The following TEKT5 variants were observed in gnomAD, a reference collection of about 807,000 sequenced individuals.
TEKT5 encodes the protein tektin-5.
A neutral mutation model predicts 48.7 loss-of-function variants in TEKT5; 52 were observed. The observed-to-expected ratio is 1.07, with a 90% confidence interval of 0.86 to 1.35. The LOEUF (loss-of-function observed/expected upper bound fraction) is 1.35. Among genes scored for constraint, TEKT5 ranks in the 40% most tolerant of loss-of-function variants. The probability of loss-of-function intolerance (pLI) is 0.00; values close to 1 mark genes in which losing one functional copy is unlikely to be tolerated. For synonymous variants in TEKT5, 318 were observed against 267.6 expected, an observed-to-expected ratio of 1.19 and a Z score of -1.84; for missense variants, 831 against 641.6, an observed-to-expected ratio of 1.30 and a Z score of -3.19.
chr16:10,663,045 A>T lies in TEKT5; in HGVS notation c.1086+12914T>A, dbSNP rs535746795. On this transcript the variant is annotated intron_variant, in intron 5 of 6. Coordinates refer to ENST00000283025, the MANE Select transcript of TEKT5 (RefSeq NM_144674.2). Reference sequence around the variant, plus strand: ...AAGCAAATCTCCACTCCATCCACCCACTCACCCTCAACCCTGCACCCAGAA... The same window carrying T: ...AAGCAAATCTCCACTCCATCCACCCTCTCACCCTCAACCCTGCACCCAGAA... Among the ~76,000 whole-genome samples, 6 of 151,954 alleles carry T rather than the reference A, an allele frequency of 3.9e-5. No homozygotes were observed. The East Asian group carries it at 1.2e-3, about 29-fold the overall frequency.
chr16:10,678,270 T>C (rs920533237), intron 4 of TEKT5, among the ~76,000 whole-genome samples: 2 of 152,106 alleles, frequency 1.3e-5, no homozygotes, highest in Non-Finnish European at 2.9e-5. Flanking sequence ...GGCTAATTTT[T>C]GCATTTTTTG....
intron 5 of TEKT5, among the ~76,000 whole-genome samples, chr16:10,657,756 A>ATTT (rs59166602): frequency 5.9e-5 from 8 of 134,956 alleles, no homozygotes; most frequent in African/African-American, 2.2e-4. Context: ...CGCCAAGCTA[A>ATTT]TTTTTTTTTT....
chr16:10,639,651 T>C (rs73507961), intron 5 of TEKT5, among the ~76,000 whole-genome samples: 23,109 of 152,258 alleles, frequency 0.15, 1,886 homozygotes, highest in South Asian at 0.18. Flanking sequence ...ATTTTTCAAA[T>C]AAGACACCAA....
intron 5 of TEKT5, among the ~76,000 whole-genome samples, chr16:10,666,979 T>C (rs922424493): frequency 7.7e-5 from 2 of 25,918 alleles, no homozygotes; most frequent in African/African-American, 8.7e-4. Context: ...GGCTCCTTAC[T>C]TTTTTTTTTT....
intron 3 of TEKT5, among the ~76,000 whole-genome samples, chr16:10,688,999 C>T (rs1898915365): frequency 6.6e-6 from 1 of 152,162 alleles, no homozygotes; most frequent in African/African-American, 2.4e-5. Context: ...CAGTTGTACA[C>T]ATCTCAGTAA....
intron 5 of TEKT5, among the ~76,000 whole-genome samples, chr16:10,665,700 C>A (rs1479856214): frequency 6.6e-6 from 1 of 152,314 alleles, no homozygotes; most frequent in Non-Finnish European, 1.5e-5. Context: ...CTCCCAGGGA[C>A]CCCTCATGCT....
intron 5 of TEKT5, among the ~76,000 whole-genome samples, chr16:10,640,003 TTCCTCC>T (rs75597810): frequency 6.6e-6 from 1 of 151,530 alleles, no homozygotes; most frequent in Middle Eastern, 3.2e-3. Flanking sequence ...CTTCCTCCTC[TTCCTCC>T]TCCTCAGTCT....
At chr16:10,643,246 G>A (rs1898021032) in intron 5 of TEKT5, among the ~76,000 whole-genome samples, 1 of 151,988 alleles carries the variant, frequency 6.6e-6, no homozygotes. Context: ...GGGCCTGGTA[G>A]CTGATGTCTA....
At chr16:10,633,062 G>A (rs1897862345) in intron 6 of TEKT5, among the ~76,000 whole-genome samples, 1 of 152,202 alleles carries the variant, frequency 6.6e-6, no homozygotes, top group Admixed American at 6.5e-5. Flanking sequence ...GCCCTGTTCT[G>A]TAGAAGTCCC....
chr16:10,670,714 C>T (rs1898535569), intron 5 of TEKT5, among the ~76,000 whole-genome samples: 1 of 152,120 alleles, frequency 6.6e-6, no homozygotes, highest in Non-Finnish European at 1.5e-5. Flanking sequence ...TGGTGCATTT[C>T]AGATGGGTGC....
intron 1 of TEKT5, among the ~76,000 whole-genome samples, chr16:10,690,970 G>A (rs896290265): frequency 1.3e-5 from 2 of 152,170 alleles, no homozygotes; most frequent in African/African-American, 4.8e-5. Context: ...AGGTGCTGGG[G>A]ATAGCACAAC....
At chr16:10,637,453 G>C (rs1244624143) in intron 5 of TEKT5, among the ~76,000 whole-genome samples, 1 of 151,564 alleles carries the variant, frequency 6.6e-6, no homozygotes, top group African/African-American at 2.4e-5. Context: ...GGAGGAAGGA[G>C]GAGGGGAGAG....
chr16:10,676,548 G>A (rs1489595962), intron 4 of TEKT5, among the ~76,000 whole-genome samples: 2 of 152,142 alleles, frequency 1.3e-5, no homozygotes, highest in Admixed American at 6.5e-5. Flanking sequence ...GTGGGTCAAA[G>A]AGAGGGGCTC....
intron 3 of TEKT5, among the ~76,000 whole-genome samples, chr16:10,686,225 C>G (rs1417072332): frequency 1.3e-5 from 2 of 152,112 alleles, no homozygotes; most frequent in Non-Finnish European, 2.9e-5. Flanking sequence ...GGTATTGATA[C>G]AAGTGGAAAG....
At chr16:10,656,996 C>T (rs543507116) in intron 5 of TEKT5, among the ~76,000 whole-genome samples, 66 of 152,284 alleles carry the variant, frequency 4.3e-4, no homozygotes, top group Non-Finnish European at 8.2e-4. Flanking sequence ...ACCACAGCCT[C>T]TCAAAGTGCT....
At chr16:10,688,342 C>T (rs1244865743) in intron 3 of TEKT5, among the ~76,000 whole-genome samples, 1 of 152,242 alleles carries the variant, frequency 6.6e-6, no homozygotes, top group Non-Finnish European at 1.5e-5. Context: ...GAACTAACCC[C>T]TTCGGGGGAT....
At chr16:10,659,890 A>G (rs1406629646) in intron 5 of TEKT5, among the ~76,000 whole-genome samples, 1 of 152,216 alleles carries the variant, frequency 6.6e-6, no homozygotes, top group Non-Finnish European at 1.5e-5. Context: ...GTGGTTGTAC[A>G]ATATTATCAA....
intron 6 of TEKT5, among the ~76,000 whole-genome samples, chr16:10,632,001 G>A (rs757379762): frequency 2.6e-5 from 4 of 151,560 alleles, no homozygotes; most frequent in Non-Finnish European, 5.9e-5. Context: ...ACTGTGCTGC[G>A]GGTCCCACCT....
intron 3 of TEKT5, 57 bp from the exon 4 acceptor site, chr16:10,682,193 G>A: frequency 6.3e-6 from 10 of 1,581,960 alleles, no homozygotes; most frequent in African/African-American, 1.3e-5. Flanking sequence ...TACCCAGCTT[G>A]GGCCACACAG....
Sources: gnomAD v4.1 joint callset for allele counts (sites outside exome capture counted in the v4.1 genomes callset) on GRCh38, gnomAD v4.1.1 for gene constraint, MANE v1.5 for transcripts, NCBI Gene and HGNC (gene_info 2026-07-23, HGNC 2026-07-21) for gene names.